SLAIN1: variants seen among roughly 807,000 people sequenced by gnomAD.
SLAIN1 encodes the protein SLAIN motif-containing protein 1.
In SLAIN1, 17 loss-of-function variants were observed where a neutral mutation model predicts 55.4. The observed-to-expected ratio is 0.31, with a 90% CI of 0.21 to 0.46. SLAIN1 has a LOEUF of 0.46. SLAIN1 is among the 20% of genes least tolerant of loss of function. The pLI, the probability that SLAIN1 is intolerant of heterozygous loss-of-function variation, is 1.00. For missense variants in SLAIN1, 682 were observed against 785.1 expected (o/e 0.87, Z 1.57); for synonymous variants, 348 against 337.4 (o/e 1.03, Z -0.35).
Position 77,719,258 on chromosome 13 carries a change from T to TAA in SLAIN1, c.627-260_627-259dup, listed in dbSNP as rs11432686. On this transcript the variant is annotated intron_variant, in intron 1 of 6. Coordinates refer to ENST00000418532, the MANE Select transcript of SLAIN1 (RefSeq NM_001242868.2). ...AGTGCCTTTTTAGGGCTAGTTTAGT[T>TAA]AAAAAAAAAAAAAAAGCCCTTGATC... Among the ~76,000 whole-genome samples the TAA allele has an allele frequency of 3.4e-3, 474 of 139,836 alleles. 5 individuals are homozygous for TAA. Among genetic ancestry groups the TAA allele is most frequent in the African/African-American group, 7.9e-3 (303 of 38,232 alleles). The allele number at this position is 139,836 out of a possible 152,430, so 91.7% of individuals were successfully genotyped here. A position where few individuals can be genotyped will look rare whatever the true frequency, so the allele number is the denominator to read the frequency against.
rs745465059 is a variant in SLAIN1, at chr13:77,699,013, G to A, written c.626+474G>A. 1.7e-5 allele frequency: 26 copies of A among 1,535,216 alleles called. No individual in the cohort carries two copies. The South Asian group carries it at 3.1e-4, about 18-fold the overall frequency. ...GGATTTGCGTGCTCTTCCTCCTCGG[G>A]TGGCATCGGAAGCCGCGCAGTGATG... On this transcript the variant is annotated intron_variant, in intron 1 of 6. Transcript: ENST00000418532.
intron 2 of SLAIN1, among the ~76,000 whole-genome samples, chr13:77,737,981 G>C (rs774690362): frequency 1.1e-4 from 16 of 152,042 alleles, no homozygotes; most frequent in Non-Finnish European, 2.4e-4. Context: ...TTTTAAAAGT[G>C]GGTGGGAGTA....
At chr13:77,741,427 G>A (rs1873432262) in intron 2 of SLAIN1, 3 of 987,300 alleles carry the variant, frequency 3.0e-6, no homozygotes, top group South Asian at 4.7e-5. Context: ...ATTGGGAAAA[G>A]CTGCTTAACC....
chr13:77,750,251 G>A (rs1874116323), intron 4 of SLAIN1, among the ~76,000 whole-genome samples: 1 of 152,078 alleles, frequency 6.6e-6, no homozygotes, highest in Non-Finnish European at 1.5e-5. Flanking sequence ...AGGTGTTTAT[G>A]ATACTATTTT....
At chr13:77,718,110 T>A (rs1043455001) in intron 1 of SLAIN1, among the ~76,000 whole-genome samples, 9 of 151,510 alleles carry the variant, frequency 5.9e-5, no homozygotes, top group African/African-American at 1.5e-4. Context: ...AAAAAAAAAA[T>A]ATATTGGACT....
intron 1 of SLAIN1, among the ~76,000 whole-genome samples, chr13:77,712,034 A>G (rs779929180): frequency 2.0e-5 from 3 of 152,036 alleles, no homozygotes; most frequent in Non-Finnish European, 4.4e-5. Context: ...ATGCTTAAAA[A>G]CTCTCAATAA....
At chr13:77,721,459 AT>A (rs764171358) in intron 2 of SLAIN1, among the ~76,000 whole-genome samples, 2 of 152,198 alleles carry the variant, frequency 1.3e-5, no homozygotes, top group Non-Finnish European at 2.9e-5. Flanking sequence ...TATATAGACC[AT>A]TCCTAAGCCT....
At chr13:77,734,187 C>T (rs1873006040) in intron 2 of SLAIN1, among the ~76,000 whole-genome samples, 1 of 151,696 alleles carries the variant, frequency 6.6e-6, no homozygotes, top group Non-Finnish European at 1.5e-5. Context: ...TTTTCCTGCC[C>T]TGGTGGTTTA....
intron 1 of SLAIN1, among the ~76,000 whole-genome samples, chr13:77,706,472 G>T (rs1202783841): frequency 3.9e-5 from 6 of 151,946 alleles, no homozygotes; most frequent in Admixed American, 3.3e-4. Flanking sequence ...CCTCATTAAG[G>T]TCATACACAT....
At chr13:77,715,896 A>G (rs9574102) in intron 1 of SLAIN1, among the ~76,000 whole-genome samples, 9,358 of 152,160 alleles carry the variant, frequency 0.062, 402 homozygotes, top group East Asian at 0.18. Flanking sequence ...ATGTCTTTCA[A>G]AAAGAAAAGT....
At chr13:77,755,292 C>T (rs964240603) in intron 5 of SLAIN1, among the ~76,000 whole-genome samples, 2 of 151,378 alleles carry the variant, frequency 1.3e-5, no homozygotes, top group African/African-American at 4.9e-5. Context: ...GCACTCCAGC[C>T]TGGGCAATAG....
In SLAIN1 at chr13:77,719,743, G is replaced by T. The variant is rs944998042; in HGVS notation, c.766+72G>T. The T allele has an allele frequency of 9.8e-6, 15 of 1,531,812 alleles. No homozygotes were observed. The African/African-American group carries it at 1.5e-4, about 15-fold the overall frequency. 94.9% of individuals were successfully genotyped at this position (1,531,812 alleles called of 1,614,324 possible). On this transcript the variant is annotated intron_variant, in intron 2 of 6. Transcript: ENST00000418532. ...CAGTGCTGCTTTTGTTGCTGGTTTT[G>T]GAATAAACATTTCAATTGAAAATTC... is the stretch of plus-strand genomic sequence containing the variant.
intron 2 of SLAIN1, among the ~76,000 whole-genome samples, chr13:77,729,503 C>A (rs1168274042): frequency 6.9e-6 from 1 of 144,264 alleles, no homozygotes; most frequent in East Asian, 2.0e-4. Context: ...TAGTGAAATT[C>A]TTTTTTTTTT....
intron 2 of SLAIN1, among the ~76,000 whole-genome samples, chr13:77,731,492 C>G (rs892328293): frequency 6.6e-6 from 1 of 151,934 alleles, no homozygotes; most frequent in East Asian, 1.9e-4. Context: ...GGGAAACGTA[C>G]AAGGAAAAAA....
chr13:77,700,765 C>T (rs2091022529), intron 1 of SLAIN1, among the ~76,000 whole-genome samples: 1 of 151,974 alleles, frequency 6.6e-6, no homozygotes, highest in Non-Finnish European at 1.5e-5. Flanking sequence ...ATTTTTATTT[C>T]CTGTGTTTAT....
intron 2 of SLAIN1, among the ~76,000 whole-genome samples, chr13:77,729,542 G>T (rs1292416366): frequency 1.3e-5 from 2 of 151,198 alleles, no homozygotes; most frequent in Non-Finnish European, 2.9e-5. Context: ...CTGTTTCTTG[G>T]GACCTCTACA....
At chr13:77,762,658 C>T (rs1334901792) in intron 6 of SLAIN1, among the ~76,000 whole-genome samples, 1 of 152,102 alleles carries the variant, frequency 6.6e-6, no homozygotes, top group African/African-American at 2.4e-5. Flanking sequence ...CCTCGGCCTC[C>T]CAAAGTGTTG....
Position 77,763,475 on chromosome 13 carries a change from G to A in SLAIN1, c.*255G>A. The A allele has an allele frequency of 2.1e-6, 1 of 465,932 alleles. No homozygotes were observed. 28.9% of individuals were successfully genotyped at this position (465,932 alleles called of 1,614,324 possible). A position where few individuals can be genotyped will look rare whatever the true frequency, so the allele number is the denominator to read the frequency against. On this transcript the variant is annotated 3_prime_UTR_variant, in exon 7 of 7. Transcript: ENST00000418532. ...AGATCTAGGAAGTTTTTGTAGAACT[G>A]CTCTGTACCTGAATACTTTTTGAGA...
chr13:77,702,205 G>C (rs2091038488), intron 1 of SLAIN1, among the ~76,000 whole-genome samples: 1 of 151,646 alleles, frequency 6.6e-6, no homozygotes, highest in African/African-American at 2.4e-5. Context: ...CTTTGCTATC[G>C]TGAACCTGAA....
Sources: gnomAD v4.1 joint callset for allele counts (sites outside exome capture counted in the v4.1 genomes callset) on GRCh38, gnomAD v4.1.1 for gene constraint, MANE v1.5 for transcripts, NCBI Gene and HGNC (gene_info 2026-07-23, HGNC 2026-07-21) for gene names.